The following TNKS variants were observed in gnomAD, a reference collection of about 807,000 sequenced individuals.
TNKS encodes the protein poly [ADP-ribose] polymerase tankyrase-1.
In TNKS, 72 loss-of-function variants were observed where a neutral mutation model predicts 135.8. The ratio of observed to expected loss-of-function variants is 0.53; its 90% confidence interval spans 0.44 to 0.64. The LOEUF (loss-of-function observed/expected upper bound fraction) is 0.64. Ranked by LOEUF, TNKS falls within the 30% of genes least tolerant of loss-of-function variation. The probability of loss-of-function intolerance (pLI) is 0.00; values close to 1 mark genes in which losing one functional copy is unlikely to be tolerated. For synonymous variants in TNKS, 849 were observed against 649.3 expected, an observed-to-expected ratio of 1.31 and a Z score of -4.68; for missense variants, 1,769 against 1,674.0, an observed-to-expected ratio of 1.06 and a Z score of -0.99.
chr8:9,633,647 A>G (rs1049219026), intron 3 of TNKS, among the ~76,000 whole-genome samples: 7 of 152,268 alleles, frequency 4.6e-5, no homozygotes, highest in African/African-American at 1.2e-4. Flanking sequence ...CAAGATGGTC[A>G]TAAAAACTAT....
rs1554488789 is a variant in TNKS at position 9,766,477 on chromosome 8, A to T, written c.3740+52A>T. The T allele has an allele frequency of 2.3e-6, 3 of 1,319,240 alleles. No individual in the cohort carries two copies. In the Admixed American group the frequency reaches 8.0e-5, roughly 35 times the overall value. 81.7% of individuals were successfully genotyped at this position (1,319,240 alleles called of 1,614,324 possible). ...TTTCCCACCCCTAGGTCACGAACCA[A>T]ATTGTCTTTTTTTTTTTTTTTTTTT... On this transcript the variant is annotated intron_variant, in intron 25 of 26. Transcript: ENST00000310430.
chr8:9,755,453 A>T (rs1159798744), intron 20 of TNKS, among the ~76,000 whole-genome samples: 1 of 152,222 alleles, frequency 6.6e-6, no homozygotes, highest in Admixed American at 6.5e-5. Flanking sequence ...CAGACAGGTG[A>T]TACTACCTTT....
chr8:9,756,024 G>C (rs1376866349), intron 20 of TNKS, among the ~76,000 whole-genome samples: 1 of 152,040 alleles, frequency 6.6e-6, no homozygotes, highest in African/African-American at 2.4e-5. Context: ...ACATAGCTTT[G>C]TACCTATGAA....
chr8:9,759,490 C>A (rs1309502253), intron 20 of TNKS, among the ~76,000 whole-genome samples: 4 of 152,132 alleles, frequency 2.6e-5, no homozygotes, highest in African/African-American at 9.7e-5. Flanking sequence ...AAGTGACTTG[C>A]TATCAGTCTT....
intron 13 of TNKS, among the ~76,000 whole-genome samples, chr8:9,730,157 T>C (rs1353303725): frequency 1.3e-5 from 2 of 152,182 alleles, no homozygotes; most frequent in Admixed American, 1.3e-4. Context: ...CTTTCATTCC[T>C]TCCATGGCAT....
intron 1 of TNKS, among the ~76,000 whole-genome samples, chr8:9,570,188 C>T (rs1797702958): frequency 6.6e-6 from 1 of 151,752 alleles, no homozygotes; most frequent in Non-Finnish European, 1.5e-5. Context: ...ACTTGTAATC[C>T]CAGCACTTTG....
chr8:9,713,981 C>T (rs1017182506), intron 11 of TNKS, among the ~76,000 whole-genome samples: 1 of 152,176 alleles, frequency 6.6e-6, no homozygotes, highest in African/African-American at 2.4e-5. Context: ...CAGCCCTCTT[C>T]CACTGCTTCT....
At chr8:9,687,669 G>A (rs1350756068) in intron 5 of TNKS, among the ~76,000 whole-genome samples, 6 of 152,124 alleles carry the variant, frequency 3.9e-5, no homozygotes, top group African/African-American at 1.4e-4. Flanking sequence ...ATAAAACTTA[G>A]TTGTCCATTT....
At chr8:9,585,531 G>C (rs1018803249) in intron 2 of TNKS, among the ~76,000 whole-genome samples, 2 of 152,144 alleles carry the variant, frequency 1.3e-5, no homozygotes, top group African/African-American at 4.8e-5. Context: ...GTTGCCTACA[G>C]AGGGAAAAAA....
At chr8:9,733,516 G>C (rs1805545109) in intron 15 of TNKS, 72 bp downstream of exon 15, 3 of 1,323,562 alleles carry the variant, frequency 2.3e-6, no homozygotes, top group Non-Finnish European at 3.2e-6. Context: ...AAAGTAAGTT[G>C]GGGTATGTTA....
chr8:9,563,265 T>C (rs1797406778), intron 1 of TNKS, among the ~76,000 whole-genome samples: 1 of 152,150 alleles, frequency 6.6e-6, no homozygotes, highest in Non-Finnish European at 1.5e-5. Flanking sequence ...TGTCACTTTC[T>C]TTTGAATCCT....
intron 3 of TNKS, among the ~76,000 whole-genome samples, chr8:9,623,436 T>G (rs1405318799): frequency 2.4e-3 from 1 of 422 alleles, no homozygotes; most frequent in African/African-American, 2.9e-3. Context: ...GAAACACACT[T>G]TTTTTTTTTT....
chr8:9,578,545 T>C (rs1798045870), intron 1 of TNKS, among the ~76,000 whole-genome samples: 1 of 152,232 alleles, frequency 6.6e-6, no homozygotes, highest in Non-Finnish European at 1.5e-5. Context: ...TGTGGAAATG[T>C]ATGCTTTACT....
intron 3 of TNKS, among the ~76,000 whole-genome samples, chr8:9,645,277 A>G (rs937895134): frequency 1.3e-5 from 2 of 152,168 alleles, no homozygotes; most frequent in African/African-American, 4.8e-5. Context: ...TGGTCTCTCC[A>G]GGATTGTGGC....
chr8:9,587,061 G>A (rs1798408202), intron 2 of TNKS, among the ~76,000 whole-genome samples: 1 of 152,118 alleles, frequency 6.6e-6, no homozygotes, highest in Non-Finnish European at 1.5e-5. Flanking sequence ...CTTAATTCCT[G>A]GAACCTGGGA....
At chr8:9,610,394 C>T (rs937607192) in intron 2 of TNKS, among the ~76,000 whole-genome samples, 1 of 150,646 alleles carries the variant, frequency 6.6e-6, no homozygotes, top group Non-Finnish European at 1.5e-5. Flanking sequence ...TAGTTTATGC[C>T]ATTATATAAT....
intron 3 of TNKS, among the ~76,000 whole-genome samples, chr8:9,622,560 A>T (rs973081035): frequency 2.0e-5 from 3 of 152,212 alleles, no homozygotes; most frequent in Non-Finnish European, 4.4e-5. Context: ...TCCAGGATCA[A>T]TGAGTGCTCT....
chr8:9,700,783 CTTAA>C (rs1291520543), intron 5 of TNKS, among the ~76,000 whole-genome samples: 2 of 152,102 alleles, frequency 1.3e-5, no homozygotes, highest in Non-Finnish European at 2.9e-5. Context: ...CACTTTCTAC[CTTAA>C]TTACAGAGCC....
intron 5 of TNKS, among the ~76,000 whole-genome samples, chr8:9,703,935 T>G (rs1803933186): frequency 6.6e-6 from 1 of 152,168 alleles, no homozygotes; most frequent in East Asian, 1.9e-4. Context: ...CATACTAAAT[T>G]TTAGTAGAGA....
Sources: allele counts gnomAD v4.1 joint callset (sites outside exome capture counted in the v4.1 genomes callset), GRCh38; gene constraint gnomAD v4.1.1; transcripts MANE v1.5; gene names NCBI Gene and HGNC (gene_info 2026-07-23, HGNC 2026-07-21).